Variants in FAIM2 observed in about 807,000 individuals in gnomAD.
FAIM2 encodes Fas apoptotic inhibitory molecule 2, also known as protein lifeguard 2.
In FAIM2, 27 loss-of-function variants were observed where a neutral mutation model predicts 47.4. The observed-to-expected ratio is 0.57, with a 90% CI of 0.42 to 0.78. The LOEUF is 0.78. Among genes scored for constraint, FAIM2 ranks in the 30% least tolerant of loss-of-function variants. The pLI is 0.00. For synonymous variants in FAIM2, 156 were observed against 159.3 expected, an observed-to-expected ratio of 0.98 and a Z score of 0.16; for missense variants, 311 against 389.4, an observed-to-expected ratio of 0.80 and a Z score of 1.69.
rs1382990128 is a variant in FAIM2 at position 49,867,262 on chromosome 12, A to C, written c.*3242T>G. The C allele has an allele frequency of 1.3e-5, 2 of 152,294 alleles. No homozygotes were observed. The highest frequency in any genetic ancestry group is 4.8e-5 in the African/African-American group (2 of 41,432). 9.4% of individuals were successfully genotyped at this position (152,294 alleles called of 1,614,324 possible). Reference sequence around the variant, plus strand: ...ACATGGGCCCTCGGTGACTCTCCCAAACCAGGCCCTGCGTTTCCTCAAGCA... The same window carrying C: ...ACATGGGCCCTCGGTGACTCTCCCACACCAGGCCCTGCGTTTCCTCAAGCA... On this transcript the variant is annotated 3_prime_UTR_variant, in exon 12 of 12. Transcript: ENST00000320634.
chr12:49,891,860 G>C (rs1946902392), intron 5 of FAIM2, among the ~76,000 whole-genome samples: 1 of 152,186 alleles, frequency 6.6e-6, no homozygotes, highest in Admixed American at 6.5e-5. Flanking sequence ...TAGCGATGGA[G>C]GATTGAGGAT....
At chr12:49,900,223 G>A in intron 2 of FAIM2, 2 of 1,287,590 alleles carry the variant, frequency 1.6e-6, no homozygotes, top group Non-Finnish European at 1.0e-6. Flanking sequence ...GGGATTTGTA[G>A]TGGGAGGTGT....
Position 49,889,452 on chromosome 12 carries a change from G to C in FAIM2, c.651+29C>G, listed in dbSNP as rs765057686. 4 of 1,599,406 alleles carry C rather than the reference G, an allele frequency of 2.5e-6. No homozygotes were observed. In the South Asian group the frequency reaches 4.4e-5, roughly 18 times the overall value. ...TTCCCCTGCTCAGCCTCAGGCCAGGGGTCCCTGCCTGCAGGCCCCAGAGCT... is the reference window on the plus strand; with the variant it reads ...TTCCCCTGCTCAGCCTCAGGCCAGGCGTCCCTGCCTGCAGGCCCCAGAGCT... On this transcript the variant is annotated intron_variant, in intron 9 of 11. Transcript: ENST00000320634.
At chr12:49,900,059 GC>G (rs1247757937) in intron 2 of FAIM2, 1 of 414,476 alleles carries the variant, frequency 2.4e-6, no homozygotes, top group Non-Finnish European at 4.4e-6. Flanking sequence ...TTCTGCGAAA[GC>G]CCAGGTGGCC....
chr12:49,880,047 T>TGA (rs1191648669), intron 11 of FAIM2, among the ~76,000 whole-genome samples: 1 of 151,462 alleles, frequency 6.6e-6, no homozygotes, highest in Non-Finnish European at 1.5e-5. Flanking sequence ...TATATGCATG[T>TGA]GTATATATGT....
rs981262842 is a variant in FAIM2, at chr12:49,898,120, A to T, written c.212-30T>A. 2.6e-6 allele frequency: 4 copies of T among 1,535,238 alleles called. No individual in the cohort carries two copies. In the African/African-American group the frequency reaches 5.5e-5, roughly 21 times the overall value. ...GTGGCACGTGGAGGAGGAGGACATGAGGGTTCCCCCTACATAGAATTACTG... is the reference window on the plus strand; with the variant it reads ...GTGGCACGTGGAGGAGGAGGACATGTGGGTTCCCCCTACATAGAATTACTG... On this transcript the variant is annotated intron_variant, in intron 2 of 11. Transcript: ENST00000320634.
At chr12:49,885,828 C>T (rs988519695) in intron 11 of FAIM2, among the ~76,000 whole-genome samples, 4 of 152,166 alleles carry the variant, frequency 2.6e-5, no homozygotes, top group Admixed American at 6.5e-5. Flanking sequence ...CTGCACCACG[C>T]ACTGCACTCT....
At chr12:49,893,526 C>T (rs1239137741) in intron 5 of FAIM2, among the ~76,000 whole-genome samples, 1 of 152,194 alleles carries the variant, frequency 6.6e-6, no homozygotes. Context: ...TGACCCGGAG[C>T]TTGGTGCCTG....
intron 11 of FAIM2, among the ~76,000 whole-genome samples, chr12:49,881,491 T>A (rs540917638): frequency 6.6e-6 from 1 of 152,116 alleles, no homozygotes; most frequent in Non-Finnish European, 1.5e-5. Flanking sequence ...AACTCTGAGA[T>A]GGGGCAACCT....
Position 49,870,397 on chromosome 12 carries a change from G to T in FAIM2, c.*107C>A. 3.8e-6 allele frequency: 4 copies of T among 1,065,492 alleles called. No homozygotes were observed. The highest frequency in any genetic ancestry group is 1.5e-5 in the South Asian group (1 of 68,938). 66.0% of individuals were successfully genotyped at this position (1,065,492 alleles called of 1,614,324 possible). On this transcript the variant is annotated 3_prime_UTR_variant, in exon 12 of 12. Coordinates refer to ENST00000320634, the MANE Select transcript of FAIM2 (RefSeq NM_012306.4). ...GGGGTAGACAGTGACCTGGCCACAG[G>T]CTGGGTTGGCAGCTAGTTTTATATC...
intron 11 of FAIM2, among the ~76,000 whole-genome samples, chr12:49,880,620 GTGCATGTGTGTATATATA>G (rs1276349843): frequency 1.6e-5 from 1 of 64,210 alleles, no homozygotes; most frequent in Admixed American, 1.7e-4. Context: ...GTGAGTGTAT[GTGCATGTGTGTATATATA>G]TGCATGTGTA....
chr12:49,871,019 G>A (rs836970), intron 11 of FAIM2, among the ~76,000 whole-genome samples: 116,422 of 152,106 alleles, frequency 0.77, 45,447 homozygotes, highest in African/African-American at 0.92. Context: ...GGAAGTTAGG[G>A]AAGGCTTCCT....
chr12:49,897,600 T>C lies in FAIM2; in HGVS notation c.316-17A>G. On this transcript the variant is annotated splice_polypyrimidine_tract_variant and intron_variant, in intron 3 of 11. Transcript: ENST00000320634. ...GGTGTAGACCTGGGGGTGGGAGGGG[T>C]TCTACTCAGCTTGGGGGGCCCTGTT... The C allele has an allele frequency of 1.9e-6, 3 of 1,608,742 alleles. No homozygotes were observed. The highest frequency in any genetic ancestry group is 1.1e-5 in the South Asian group (1 of 90,632).
intron 11 of FAIM2, among the ~76,000 whole-genome samples, chr12:49,879,453 C>A (rs1946783733): frequency 7.8e-6 from 1 of 127,920 alleles, no homozygotes; most frequent in Non-Finnish European, 1.6e-5. Context: ...TATGTGTGTG[C>A]ATACGTGTAT....
intron 2 of FAIM2, among the ~76,000 whole-genome samples, chr12:49,900,649 C>A (rs960825813): frequency 2.6e-5 from 4 of 152,110 alleles, no homozygotes; most frequent in African/African-American, 9.7e-5. Context: ...AGACCCCTAT[C>A]CCCCAACAGC....
At chr12:49,884,235 A>C (rs10875988) in intron 11 of FAIM2, among the ~76,000 whole-genome samples, 3,777 of 150,274 alleles carry the variant, frequency 0.025, 162 homozygotes, top group African/African-American at 0.086. Flanking sequence ...GAAAAAAAAA[A>C]AAACAAAAAA....
intron 5 of FAIM2, among the ~76,000 whole-genome samples, chr12:49,896,532 A>T (rs1221558751): frequency 2.0e-5 from 3 of 152,324 alleles, no homozygotes; most frequent in Non-Finnish European, 2.9e-5. Context: ...TAATTTTCTG[A>T]AGTAGTCATA....
intron 1 of FAIM2, 23 bp downstream of exon 1, chr12:49,903,755 G>A: frequency 6.4e-7 from 1 of 1,550,676 alleles, no homozygotes; most frequent in Non-Finnish European, 8.7e-7. Context: ...GGAGGATGGT[G>A]CAGGCTGGGG....
intron 11 of FAIM2, among the ~76,000 whole-genome samples, chr12:49,881,446 G>T (rs1302686931): frequency 6.6e-6 from 1 of 152,068 alleles, no homozygotes; most frequent in Non-Finnish European, 1.5e-5. Flanking sequence ...CTGATTTAGG[G>T]GGCTCAGAGA....
Sources: gnomAD v4.1 joint callset for allele counts (sites outside exome capture counted in the v4.1 genomes callset) on GRCh38, gnomAD v4.1.1 for gene constraint, MANE v1.5 for transcripts, NCBI Gene and HGNC (gene_info 2026-07-23, HGNC 2026-07-21) for gene names.